The following MYO16 variants were observed in gnomAD, a reference collection of about 807,000 sequenced individuals.
The protein encoded by MYO16 is myosin XVI, also known as unconventional myosin-XVI.
MYO16 carries 94 observed loss-of-function variants against 205.3 expected under a neutral mutation model. The ratio of observed to expected loss-of-function variants is 0.46; its 90% CI spans 0.39 to 0.54. MYO16 has a LOEUF of 0.54. Ranked by LOEUF, MYO16 falls within the 20% of genes least tolerant of loss-of-function variation. MYO16 has a pLI of 0.00. For missense variants in MYO16, 2,315 were observed against 2,387.5 expected, an observed-to-expected ratio of 0.97 and a Z score of 0.63; for synonymous variants, 988 against 954.0, an observed-to-expected ratio of 1.04 and a Z score of -0.66.
chr13:108,946,026 A>G (rs943305435), intron 16 of MYO16, among the ~76,000 whole-genome samples: 1 of 152,146 alleles, frequency 6.6e-6, no homozygotes, highest in Non-Finnish European at 1.5e-5. Flanking sequence ...TAGACATGCC[A>G]TTTTTTGAAG....
At chr13:108,939,302 CAA>C (rs1458552333) in intron 16 of MYO16, among the ~76,000 whole-genome samples, 8 of 152,188 alleles carry the variant, frequency 5.3e-5, no homozygotes, top group Non-Finnish European at 1.2e-4. Flanking sequence ...TTGGGAAAAA[CAA>C]AGTGCTCTCC....
At chr13:108,709,124 T>A (rs1241924175) in intron 2 of MYO16, among the ~76,000 whole-genome samples, 1 of 152,130 alleles carries the variant, frequency 6.6e-6, no homozygotes, top group East Asian at 1.9e-4. Flanking sequence ...TTCGTTATTC[T>A]ATTTGGTCCC....
chr13:108,884,912 A>G (rs189879), intron 13 of MYO16, among the ~76,000 whole-genome samples: 117,788 of 150,144 alleles, frequency 0.78, 46,276 homozygotes, highest in East Asian at 0.97. Context: ...TGAGAAAGGC[A>G]CTGAGACAGG....
At chr13:108,685,791 G>A (rs1046011316) in intron 2 of MYO16, among the ~76,000 whole-genome samples, 1 of 152,174 alleles carries the variant, frequency 6.6e-6, no homozygotes, top group African/African-American at 2.4e-5. Flanking sequence ...TCTGAGACCT[G>A]TGTCCTTGGC....
intron 1 of MYO16, among the ~76,000 whole-genome samples, chr13:108,621,264 T>A (rs1039985991): frequency 7.2e-5 from 11 of 152,164 alleles, no homozygotes; most frequent in African/African-American, 2.7e-4. Flanking sequence ...GTCTGATTCA[T>A]GACTGTTGCA....
At chr13:108,933,610 T>C (rs1208758427) in intron 16 of MYO16, among the ~76,000 whole-genome samples, 1 of 152,132 alleles carries the variant, frequency 6.6e-6, no homozygotes, top group Non-Finnish European at 1.5e-5. Context: ...TTTCAACTTT[T>C]GTTTTAGATT....
chr13:108,561,503 G>T, the MYO16 span, among the ~76,000 whole-genome samples: 1 of 152,216 alleles, frequency 6.6e-6, no homozygotes, highest in Non-Finnish European at 1.5e-5. Flanking sequence ...GAAAACCTTG[G>T]TTTTTTTCTT....
At chr13:108,789,200 T>C (rs1230004176) in intron 5 of MYO16, among the ~76,000 whole-genome samples, 1 of 152,208 alleles carries the variant, frequency 6.6e-6, no homozygotes, top group Non-Finnish European at 1.5e-5. Context: ...TTTCCCATTA[T>C]CACCAGGAAC....
In MYO16 at chr13:108,898,237, G is replaced by C. The variant is rs527476201; in HGVS notation, c.1777+104G>C. ...CACACTGTGTATGAATCAATGCTGG[G>C]AGAGAAAACCTATTCTTCATGACCG... On this transcript the variant is annotated intron_variant, in intron 15 of 34. Coordinates refer to ENST00000457511, the MANE Select transcript of MYO16 (RefSeq NM_001198950.3). 1.2e-5 allele frequency: 10 copies of C among 865,336 alleles called. No individual in the cohort carries two copies. The East Asian group carries it at 2.2e-4, about 19-fold the overall frequency. 53.6% of individuals were successfully genotyped at this position (865,336 alleles called of 1,614,324 possible).
rs367916353 is a variant in MYO16, at chr13:108,869,662, C to T, written c.1425+3420C>T. 4.2e-3 allele frequency among the ~76,000 whole-genome samples: 552 copies of T among 130,620 alleles called. 5 individuals carry two copies. Among genetic ancestry groups the T allele is most frequent in the South Asian group, 0.033 (132 of 4,050 alleles). 85.7% of individuals were successfully genotyped at this position (130,620 alleles called of 152,430 possible). The stretch of plus-strand genomic sequence containing the variant: ...AGCAGAATGGCGTGAACCCGGGAGG[C>T]GGAGGTTGCAGTGAGCCGAGATCGT... On this transcript the variant is annotated intron_variant, in intron 12 of 34. Transcript: ENST00000457511.
At chr13:108,926,404 T>G (rs1456008142) in intron 16 of MYO16, among the ~76,000 whole-genome samples, 1 of 152,178 alleles carries the variant, frequency 6.6e-6, no homozygotes, top group Non-Finnish European at 1.5e-5. Context: ...GTCAAATTGT[T>G]CAAAGTCTAA....
chr13:108,653,239 A>AT (rs952232918), intron 1 of MYO16, among the ~76,000 whole-genome samples: 8 of 152,086 alleles, frequency 5.3e-5, no homozygotes, highest in South Asian at 2.1e-4. Flanking sequence ...AGATTATTTG[A>AT]TTTTTTGTTG....
chr13:109,170,913 A>G (rs999704808), intron 33 of MYO16, among the ~76,000 whole-genome samples: 2 of 152,228 alleles, frequency 1.3e-5, no homozygotes, highest in African/African-American at 2.4e-5. Context: ...AATTTTTAAA[A>G]TAAAGTTGGT....
At chr13:108,949,054 T>C (rs1883044507) in intron 16 of MYO16, among the ~76,000 whole-genome samples, 1 of 152,266 alleles carries the variant, frequency 6.6e-6, no homozygotes, top group Middle Eastern at 3.2e-3. Context: ...TACAGACTTA[T>C]TTTCAATAAA....
intron 23 of MYO16, among the ~76,000 whole-genome samples, chr13:109,027,065 GAAGTTCA>G (rs1886385539): frequency 6.6e-6 from 1 of 152,150 alleles, no homozygotes; most frequent in African/African-American, 2.4e-5. Flanking sequence ...CTGGAGGATA[GAAGTTCA>G]AAGTCAAGTG....
intron 1 of MYO16, among the ~76,000 whole-genome samples, chr13:108,646,052 T>C (rs898949125): frequency 2.0e-5 from 3 of 152,204 alleles, no homozygotes; most frequent in African/African-American, 7.2e-5. Context: ...TGACTGTAGG[T>C]GACCCCTGTC....
the MYO16 span, among the ~76,000 whole-genome samples, chr13:108,547,207 G>A: frequency 6.6e-6 from 1 of 150,834 alleles, no homozygotes; most frequent in Admixed American, 6.6e-5. Context: ...GGGAGATGGA[G>A]CTTACAGTGA....
intron 20 of MYO16, among the ~76,000 whole-genome samples, chr13:108,968,748 G>A (rs113688315): frequency 1.6e-4 from 25 of 152,232 alleles, no homozygotes; most frequent in African/African-American, 5.3e-4. Context: ...TGCCTGCTGC[G>A]CCCCTGACTC....
At chr13:109,192,057 T>G (rs981200261) in intron 34 of MYO16, among the ~76,000 whole-genome samples, 1 of 151,974 alleles carries the variant, frequency 6.6e-6, no homozygotes, top group Non-Finnish European at 1.5e-5. Context: ...TGAAATAGAG[T>G]CAGCTAACAC....
Sources: gnomAD v4.1 joint callset for allele counts (sites outside exome capture counted in the v4.1 genomes callset) on GRCh38, gnomAD v4.1.1 for gene constraint, MANE v1.5 for transcripts, NCBI Gene and HGNC (gene_info 2026-07-23, HGNC 2026-07-21) for gene names.